The following RNASEK variants were observed in gnomAD, a reference collection of about 807,000 sequenced individuals.
RNASEK encodes the protein ribonuclease K.
RNASEK carries 7 observed loss-of-function variants against 11.2 expected under a neutral mutation model. That is an observed-to-expected ratio of 0.62 (90% CI 0.35 to 1.17). The LOEUF is 1.17. RNASEK is among the 50% of genes most tolerant of loss of function. The pLI is 0.02. For synonymous variants in RNASEK, 46 were observed against 49.5 expected (o/e 0.93, Z 0.30); for missense variants, 101 against 126.7 (o/e 0.80, Z 0.97).
chr17:7,012,830 A>C, intron 1 of RNASEK, 69 bp downstream of exon 1: 1 of 1,463,312 alleles, frequency 6.8e-7, no homozygotes, highest in Non-Finnish European at 9.4e-7. Context: ...CTGGGAGGCG[A>C]GGAAACTCTG....
At position 7,014,170 on chromosome 17, in the gene RNASEK, C is replaced by T. The variant is rs1415935130; in HGVS notation, c.181C>T (p.Leu61Phe). ...GAATGGCCCCCAGAACATATACAAC[C>T]TTTACGAGCAAGTCAGCTACAACTG... ...FENGPQNIYNLYEQVSYNCFI... is the reference protein window; with the variant it reads ...FENGPQNIYNFYEQVSYNCFI... The change falls in exon 3 of 3, where the codon CTT becomes TTT. Residue 61 changes from leucine (L) to phenylalanine (F), a missense_variant. Leu to Phe is a conservative substitution (Grantham distance 22). Coordinates refer to ENST00000593646, the MANE Select transcript of RNASEK (RefSeq NM_001004333.5). The surrounding 1 kb of genome is among the most constrained non-coding windows in gnomAD (Gnocchi z 4.5). 6 of 1,567,278 alleles carry T rather than the reference C, an allele frequency of 3.8e-6. No homozygotes were observed. The highest frequency in any genetic ancestry group is 4.3e-6 in the Non-Finnish European group (5 of 1,155,598).
chr17:7,013,217 A>G (rs1417266712), intron 1 of RNASEK: 30 of 858,096 alleles, frequency 3.5e-5, no homozygotes, highest in Non-Finnish European at 4.7e-5. Context: ...GGTAGGAGAA[A>G]CAAGAGCGGG....
intron 1 of RNASEK, 22 bp downstream of exon 1, chr17:7,012,783 G>C: frequency 6.2e-7 from 1 of 1,607,172 alleles, no homozygotes. Flanking sequence ...CCCCGGCAAG[G>C]ATCGGAGAGG....
At chr17:7,012,866 G>C in intron 1 of RNASEK, 105 bp downstream of exon 1, 1 of 945,890 alleles carries the variant, frequency 1.1e-6, no homozygotes, top group East Asian at 2.6e-5. Flanking sequence ...GGAGGGGCCG[G>C]GGATCTACAG....
At position 7,014,382 on chromosome 17, in the gene RNASEK, T is replaced by C; in HGVS notation, c.*96T>C. The stretch of plus-strand genomic sequence containing the variant: ...GCGTCCCACCCTTGCCGGCGCCCTC[T>C]GCGGGACTGGGTTTCCCGGGCGAGA... On this transcript the variant is annotated 3_prime_UTR_variant, in exon 3 of 3. Transcript: ENST00000593646. This position sits in a 1 kb window ranked among gnomAD's most constrained non-coding sequence, Gnocchi z 4.5. 2 of 1,355,238 alleles carry C rather than the reference T, an allele frequency of 1.5e-6. No homozygotes were observed. The highest frequency in any genetic ancestry group is 1.3e-5 in the South Asian group (1 of 79,956). 84.0% of individuals were successfully genotyped at this position (1,355,238 alleles called of 1,614,324 possible). A position where few individuals can be genotyped will look rare whatever the true frequency, so the allele number is the denominator to read the frequency against.
chr17:7,013,226 G>A lies in RNASEK; in HGVS notation c.79-440G>A. ...CCTCAAGGTAGGAGAAACAAGAGCGGGGTGCCTGAGAGGTGCTTGAGTTGA... is the reference window on the plus strand; with the variant it reads ...CCTCAAGGTAGGAGAAACAAGAGCGAGGTGCCTGAGAGGTGCTTGAGTTGA... On this transcript the variant is annotated intron_variant, in intron 1 of 2. Coordinates refer to ENST00000593646, the MANE Select transcript of RNASEK (RefSeq NM_001004333.5). 4 of 925,502 alleles carry A rather than the reference G, an allele frequency of 4.3e-6. No homozygotes were observed. The South Asian group carries it at 5.2e-5, about 12-fold the overall frequency. 57.3% of individuals were successfully genotyped at this position (925,502 alleles called of 1,614,324 possible). A position where few individuals can be genotyped will look rare whatever the true frequency, so the allele number is the denominator to read the frequency against.
At position 7,012,882 on chromosome 17, in the gene RNASEK, G is replaced by A. The variant is rs1909509510; in HGVS notation, c.78+121G>A. 10 of 805,564 alleles carry A rather than the reference G, an allele frequency of 1.2e-5. No individual in the cohort carries two copies. In the East Asian group the frequency reaches 2.4e-4, roughly 19 times the overall value. 49.9% of individuals were successfully genotyped at this position (805,564 alleles called of 1,614,324 possible). ...GAGGGGCCGGGGATCTACAGGCCCC[G>A]GAGAAGGAGACAGACTGAAATTGAA... is the stretch of plus-strand genomic sequence containing the variant. On this transcript the variant is annotated intron_variant, in intron 1 of 2. Coordinates refer to ENST00000593646, the MANE Select transcript of RNASEK (RefSeq NM_001004333.5).
chr17:7,013,199 C>A, intron 1 of RNASEK: 1 of 682,074 alleles, frequency 1.5e-6, no homozygotes, highest in African/African-American at 1.8e-5. Flanking sequence ...AAGGTGGAGA[C>A]CCCTCAAGGT....
At chr17:7,013,639 AAC>A in intron 1 of RNASEK, 25 bp from the exon 2 acceptor site, 3 of 1,608,364 alleles carry the variant, frequency 1.9e-6, no homozygotes, top group Non-Finnish European at 2.6e-6. Context: ...GCCTGAATTC[AAC>A]AGTCTACCCA....
chr17:7,013,490 A>G (rs1231580547), intron 1 of RNASEK, 176 bp from the exon 2 acceptor site: 3 of 1,561,054 alleles, frequency 1.9e-6, no homozygotes, highest in East Asian at 4.7e-5. Context: ...ACTTGTCTCA[A>G]TGTCACCACC....
Position 7,014,188 on chromosome 17 carries a change from T to A in RNASEK, c.199T>A (p.Tyr67Asn). The change falls in exon 3 of 3, where the codon TAC becomes AAC. Residue 67 changes from tyrosine to asparagine, a missense_variant. Coordinates refer to ENST00000593646, the MANE Select transcript of RNASEK (RefSeq NM_001004333.5). The surrounding 1 kb of genome is among the most constrained non-coding windows in gnomAD (Gnocchi z 4.5). ...ATACAACCTTTACGAGCAAGTCAGC[T>A]ACAACTGTTTCATCGCTGCAGGCCT... ...NIYNLYEQVSYNCFIAAGLYL... is the reference protein window; with the variant it reads ...NIYNLYEQVSNNCFIAAGLYL... The A allele has an allele frequency of 6.3e-7, 1 of 1,589,228 alleles. No homozygotes were observed. Among genetic ancestry groups the A allele is most frequent in the Middle Eastern group, 1.7e-4 (1 of 6,032 alleles).
chr17:7,012,805 T>C (rs770799354), intron 1 of RNASEK, 44 bp downstream of exon 1: 21 of 1,568,072 alleles, frequency 1.3e-5, no homozygotes, highest in Middle Eastern at 3.5e-4. Flanking sequence ...CCTGAGGGGC[T>C]CCGGGCTGGG....
rs538123417 is a variant in RNASEK, at chr17:7,013,023, G to A, written c.78+262G>A. 5 of 500,250 alleles carry A rather than the reference G, an allele frequency of 1.0e-5. No homozygotes were observed. In the South Asian group the frequency reaches 1.1e-4, roughly 11 times the overall value. The allele number at this position is 500,250 out of a possible 1,614,324, so 31.0% of individuals were successfully genotyped here. A position where few individuals can be genotyped will look rare whatever the true frequency, so the allele number is the denominator to read the frequency against. The stretch of plus-strand genomic sequence containing the variant: ...GCCTGTAATCCCAGCTACTCAGGAG[G>A]CTGAGGCAGGAGAATCGCTTGAATC... On this transcript the variant is annotated intron_variant, in intron 1 of 2. Transcript: ENST00000593646.
chr17:7,013,647 A>G lies in RNASEK; in HGVS notation c.79-19A>G. The G allele has an allele frequency of 6.2e-7, 1 of 1,609,806 alleles. No homozygotes were observed. Among genetic ancestry groups the G allele is most frequent in the Non-Finnish European group, 8.5e-7 (1 of 1,176,148 alleles). On this transcript the variant is annotated intron_variant, in intron 1 of 2. Transcript: ENST00000593646. ...GTCAGGTGCCTGAATTCAACAGTCT[A>G]CCCATTCCCCTTTTCCAGATAATGC...
At position 7,014,292 on chromosome 17, in the gene RNASEK, C is replaced by T. The variant is rs761992612; in HGVS notation, c.*6C>T. 1 of 1,613,614 alleles carries T rather than the reference C, an allele frequency of 6.2e-7. No homozygotes were observed. On this transcript the variant is annotated 3_prime_UTR_variant, in exon 3 of 3. Transcript: ENST00000593646. The surrounding 1 kb of genome is among the most constrained non-coding windows in gnomAD (Gnocchi z 4.5). ...AGGAATACATGGTGCGCTAGGGCCC[C>T]GGCGCGTTTCCCCGCTCCAGCCCCT...
intron 1 of RNASEK, chr17:7,013,247 G>A (rs531653688): frequency 2.5e-6 from 3 of 1,204,550 alleles, no homozygotes; most frequent in East Asian, 2.6e-5. Context: ...AGGTGCTTGA[G>A]TTGAATGGAG....
Position 7,014,161 on chromosome 17 carries a change from A to G in RNASEK, c.172A>G (p.Ile58Val), listed in dbSNP as rs548942544. The G allele has an allele frequency of 2.2e-5, 35 of 1,560,972 alleles. No homozygotes were observed. In the Admixed American group the frequency reaches 4.1e-4, roughly 18 times the overall value. Residue 58 changes from isoleucine to valine, a missense_variant, in exon 3 of 3, where the codon ATA (isoleucine) becomes GTA (valine). Coordinates refer to ENST00000593646, the MANE Select transcript of RNASEK (RefSeq NM_001004333.5). This position sits in a 1 kb window ranked among gnomAD's most constrained non-coding sequence, Gnocchi z 4.5. Reference sequence around the variant, plus strand: ...CACCCCCAGGAATGGCCCCCAGAACATATACAACCTTTACGAGCAAGTCAG... The same window carrying G: ...CACCCCCAGGAATGGCCCCCAGAACGTATACAACCTTTACGAGCAAGTCAG... ...EKDFENGPQN[I>V]YNLYEQVSYN... is the part of the protein sequence containing the mutation.
At chr17:7,013,590 G>C (rs1209710057) in intron 1 of RNASEK, 76 bp from the exon 2 acceptor site, 2 of 1,599,386 alleles carry the variant, frequency 1.3e-6, no homozygotes, top group Non-Finnish European at 8.6e-7. Context: ...AGCAACATTG[G>C]AAATGGGAGG....
Position 7,014,453 on chromosome 17 carries a change from G to C in RNASEK, c.*167G>C. ...CTCTGGCATCCGGCCCCCGTGGAGA[G>C]GGCTGAGGCTGGGGGGCTGTTCCGT... On this transcript the variant is annotated 3_prime_UTR_variant, in exon 3 of 3. Coordinates refer to ENST00000593646, the MANE Select transcript of RNASEK (RefSeq NM_001004333.5). The surrounding 1 kb of genome is among the most constrained non-coding windows in gnomAD (Gnocchi z 4.5). 1.4e-6 allele frequency: 1 copy of C among 701,574 alleles called. No individual in the cohort carries two copies. Among genetic ancestry groups the C allele is most frequent in the South Asian group, 1.9e-5 (1 of 54,010 alleles). The allele number at this position is 701,574 out of a possible 1,614,324, so 43.5% of individuals were successfully genotyped here.
Sources: allele counts gnomAD v4.1 joint callset, GRCh38; gene constraint gnomAD v4.1.1; non-coding constraint Gnocchi (gnomAD v3.1); transcripts MANE v1.5; gene names NCBI Gene and HGNC (gene_info 2026-07-23, HGNC 2026-07-21).